Variants in COL28A1 observed in about 807,000 individuals in gnomAD.
COL28A1 encodes the protein collagen alpha-1(XXVIII) chain.
COL28A1 carries 161 observed loss-of-function variants against 150.2 expected under a neutral mutation model. The ratio of observed to expected loss-of-function variants is 1.07; its 90% CI spans 0.94 to 1.22. The LOEUF (loss-of-function observed/expected upper bound fraction) is 1.22. Among genes scored for constraint, COL28A1 ranks in the 50% most tolerant of loss-of-function variants. The probability of loss-of-function intolerance (pLI) is 0.00; values close to 1 mark genes in which losing one functional copy is unlikely to be tolerated. For missense variants in COL28A1, 1,617 were observed against 1,388.3 expected, an observed-to-expected ratio of 1.16 and a Z score of -2.62; for synonymous variants, 552 against 469.7, an observed-to-expected ratio of 1.18 and a Z score of -2.26.
At chr7:7,383,288 GTT>G (rs1160911194) in intron 27 of COL28A1, among the ~76,000 whole-genome samples, 7,393 of 94,264 alleles carry the variant, frequency 0.078, 290 homozygotes, top group African/African-American at 0.18. Flanking sequence ...GTGTGTGTGT[GTT>G]TTTTTTGAGA....
intron 25 of COL28A1, among the ~76,000 whole-genome samples, chr7:7,424,105 C>A (rs1784525081): frequency 6.6e-6 from 1 of 152,150 alleles, no homozygotes; most frequent in Non-Finnish European, 1.5e-5. Flanking sequence ...TGACTTATAG[C>A]AATGCTTTTG....
intron 27 of COL28A1, among the ~76,000 whole-genome samples, chr7:7,416,457 G>A (rs1179320436): frequency 1.3e-5 from 2 of 152,224 alleles, no homozygotes; most frequent in African/African-American, 4.8e-5. Flanking sequence ...AACAGCATGT[G>A]TGAACTGAGC....
intron 22 of COL28A1, 41 bp downstream of exon 22, chr7:7,437,352 CA>C (rs1785417085): frequency 1.3e-6 from 2 of 1,570,622 alleles, no homozygotes; most frequent in Non-Finnish European, 1.7e-6. Context: ...CTCCAACTGC[CA>C]AAGGGTCAAG....
At chr7:7,395,314 G>A (rs1782777244) in intron 27 of COL28A1, among the ~76,000 whole-genome samples, 1 of 152,038 alleles carries the variant, frequency 6.6e-6, no homozygotes, top group African/African-American at 2.4e-5. Context: ...AAACAAACCA[G>A]CTGTGGTACC....
At chr7:7,528,136 C>T (rs775547256) in intron 3 of COL28A1, among the ~76,000 whole-genome samples, 4 of 151,942 alleles carry the variant, frequency 2.6e-5, no homozygotes, top group African/African-American at 4.8e-5. Context: ...TTTTAAAAAT[C>T]GTTCAGAAAA....
chr7:7,534,051 T>C (rs930855281), intron 1 of COL28A1, among the ~76,000 whole-genome samples: 2 of 152,062 alleles, frequency 1.3e-5, no homozygotes, highest in Non-Finnish European at 2.9e-5. Flanking sequence ...AGGAGTGAGA[T>C]GGAGACTGAC....
At chr7:7,532,665 C>A in intron 2 of COL28A1, 87 bp downstream of exon 2, 1 of 1,501,470 alleles carries the variant, frequency 6.7e-7, no homozygotes, top group African/African-American at 1.4e-5. Flanking sequence ...ATATGGCTTG[C>A]TATTTATATC....
At chr7:7,460,649 T>A (rs1787539585) in intron 15 of COL28A1, among the ~76,000 whole-genome samples, 1 of 152,266 alleles carries the variant, frequency 6.6e-6, no homozygotes, top group Non-Finnish European at 1.5e-5. Context: ...CCCAAAGTGC[T>A]GGGATTACAG....
intron 25 of COL28A1, 51 bp downstream of exon 25, chr7:7,432,421 AC>A: frequency 6.8e-7 from 1 of 1,473,340 alleles, no homozygotes; most frequent in South Asian, 1.1e-5. Flanking sequence ...AAAGTCACCT[AC>A]CTATAGGTGC....
chr7:7,424,791 A>T (rs930573530), intron 25 of COL28A1, among the ~76,000 whole-genome samples: 1 of 152,110 alleles, frequency 6.6e-6, no homozygotes, highest in Non-Finnish European at 1.5e-5. Flanking sequence ...TCTAGATGGG[A>T]GATACTACTT....
chr7:7,408,207 C>T (rs984051630), intron 27 of COL28A1, among the ~76,000 whole-genome samples: 8 of 152,088 alleles, frequency 5.3e-5, no homozygotes, highest in Non-Finnish European at 2.9e-5. Flanking sequence ...TTCTGAAGAA[C>T]TGCCGCTGAA....
upstream of COL28A1, among the ~76,000 whole-genome samples, chr7:7,536,044 T>C (rs1782622706): frequency 6.6e-6 from 1 of 152,212 alleles, no homozygotes; most frequent in South Asian, 2.1e-4. Flanking sequence ...AAAAACAACT[T>C]GAGAGAACTT....
chr7:7,383,364 C>T (rs1781991786), intron 27 of COL28A1, among the ~76,000 whole-genome samples: 1 of 150,700 alleles, frequency 6.6e-6, no homozygotes, highest in Non-Finnish European at 1.5e-5. Flanking sequence ...CTGCAGTCCC[C>T]ACCTCTCAAG....
rs367948875 is a variant in COL28A1, at chr7:7,520,192, G to GT, written c.760-78dup. ...TATACTTTATAATAATTTCTGATCA[G>GT]TTTTGTTTCCTAGAATGAGGGAGAA... On this transcript the variant is annotated intron_variant, in intron 5 of 34. Coordinates refer to ENST00000399429, the MANE Select transcript of COL28A1 (RefSeq NM_001037763.3). The GT allele has an allele frequency of 1.0e-4, 75 of 719,330 alleles. No individual in the cohort carries two copies. The African/African-American group carries it at 1.2e-3, about 11-fold the overall frequency. The allele number at this position is 719,330 out of a possible 1,614,324, so 44.6% of individuals were successfully genotyped here.
intron 25 of COL28A1, among the ~76,000 whole-genome samples, chr7:7,426,584 G>T (rs1298971485): frequency 1.3e-5 from 2 of 152,148 alleles, no homozygotes; most frequent in Non-Finnish European, 2.9e-5. Flanking sequence ...TTATACAAAT[G>T]CTAGAAAACA....
At chr7:7,417,547 GGGAGAGAGAGA>G (rs1784167321) in intron 27 of COL28A1, 1 of 110,388 alleles carries the variant, frequency 9.1e-6, no homozygotes, top group Admixed American at 1.5e-4. Context: ...GGAGGGGGGG[GGGAGAGAGAGA>G]GAGAGAGAGA....
At chr7:7,356,915 A>G (rs758605417), downstream of COL28A1, 4 of 152,206 alleles carry the variant, frequency 2.6e-5, no homozygotes, top group Non-Finnish European at 5.9e-5. Context: ...ATTTTAATTA[A>G]ATAAAAAAAT....
At chr7:7,432,409 C>G in intron 25 of COL28A1, 64 bp downstream of exon 25, 1 of 1,379,396 alleles carries the variant, frequency 7.2e-7, no homozygotes, top group Middle Eastern at 1.8e-4. Context: ...TTTATTTTTA[C>G]CAAAGTCACC....
At chr7:7,452,589 T>A (rs1254570670) in intron 17 of COL28A1, among the ~76,000 whole-genome samples, 1 of 152,222 alleles carries the variant, frequency 6.6e-6, no homozygotes, top group African/African-American at 2.4e-5. Flanking sequence ...TAATGTTTGA[T>A]GTATATATGG....
Sources: allele counts gnomAD v4.1 joint callset (sites outside exome capture counted in the v4.1 genomes callset), GRCh38; gene constraint gnomAD v4.1.1; transcripts MANE v1.5; gene names NCBI Gene and HGNC (gene_info 2026-07-23, HGNC 2026-07-21).